The following BCL2L13 variants were observed in gnomAD, a reference collection of about 807,000 sequenced individuals.
BCL2L13 encodes the protein bcl-2-like protein 13.
In BCL2L13, 13 loss-of-function variants were observed where a neutral mutation model predicts 25.8. The ratio of observed to expected loss-of-function variants is 0.50; its 90% CI spans 0.33 to 0.80. BCL2L13 has a LOEUF of 0.80. Ranked by LOEUF, BCL2L13 falls within the 30% of genes least tolerant of loss-of-function variation. The pLI is 0.02. For missense variants in BCL2L13, 504 were observed against 574.9 expected, an observed-to-expected ratio of 0.88 and a Z score of 1.26; for synonymous variants, 244 against 230.3, an observed-to-expected ratio of 1.06 and a Z score of -0.54.
At chr22:17,680,095 T>G (rs570586446) in intron 2 of BCL2L13, among the ~76,000 whole-genome samples, 26 of 151,636 alleles carry the variant, frequency 1.7e-4, no homozygotes, top group Middle Eastern at 3.2e-3. Context: ...GCACTTGTAA[T>G]TCCAGCTACT....
At chr22:17,632,547 G>A (rs1223412544) in intron 1 of BCL2L13, among the ~76,000 whole-genome samples, 1 of 152,086 alleles carries the variant, frequency 6.6e-6, no homozygotes, top group African/African-American at 2.4e-5. Context: ...TCAGGTTGAG[G>A]TGGAATTAAC....
In BCL2L13 at chr22:17,726,867, C is replaced by T; in HGVS notation, c.791C>T (p.Thr264Ile). 6.2e-7 allele frequency: 1 copy of T among 1,613,978 alleles called. No homozygotes were observed. Among genetic ancestry groups the T allele is most frequent in the South Asian group, 1.1e-5 (1 of 91,078 alleles). Residue 264 changes from threonine to isoleucine, a missense_variant, in exon 7 of 7, where the codon ACA becomes ATA. Coordinates refer to ENST00000317582, the MANE Select transcript of BCL2L13 (RefSeq NM_015367.4). ...VSLSASQSWHTESLPVSLGPE... is the reference protein window; with the variant it reads ...VSLSASQSWHIESLPVSLGPE... ...CTGTCAGCTAGCCAGAGTTGGCACA[C>T]AGAAAGCCTGCCAGTGTCACTAGGC...
intron 2 of BCL2L13, among the ~76,000 whole-genome samples, chr22:17,675,586 A>T (rs1568958606): frequency 6.6e-6 from 1 of 152,208 alleles, no homozygotes; most frequent in African/African-American, 2.4e-5. Context: ...TTCTCTTAAA[A>T]GCACGTTCAT....
In BCL2L13 at chr22:17,655,701, C is replaced by T. The variant is rs774830150; in HGVS notation, c.-11C>T. On this transcript the variant is annotated 5_prime_UTR_variant, in exon 2 of 7. Coordinates refer to ENST00000317582, the MANE Select transcript of BCL2L13 (RefSeq NM_015367.4). The stretch of plus-strand genomic sequence containing the variant: ...TAAGTAGACCTTTTTGGAGCCTCAC[C>T]AGCCAATTCAATGGCGTCCTCTTCT... 5.0e-6 allele frequency: 8 copies of T among 1,609,160 alleles called. No homozygotes were observed. Among genetic ancestry groups the T allele is most frequent in the South Asian group, 1.1e-5 (1 of 89,876 alleles).
At chr22:17,701,915 C>CA (rs5844321) in intron 5 of BCL2L13, among the ~76,000 whole-genome samples, 306 of 104,290 alleles carry the variant, frequency 2.9e-3, no homozygotes, top group Middle Eastern at 0.014. Context: ...GACTCCATCT[C>CA]AAAAAAAAAA....
At chr22:17,679,339 TG>T (rs2059668311) in intron 2 of BCL2L13, among the ~76,000 whole-genome samples, 1 of 146,554 alleles carries the variant, frequency 6.8e-6, no homozygotes, top group South Asian at 2.2e-4. Context: ...GTGCGATCTC[TG>T]CTCACCACAG....
chr22:17,677,145 C>A (rs959110395), intron 2 of BCL2L13, among the ~76,000 whole-genome samples: 6 of 151,674 alleles, frequency 4.0e-5, no homozygotes, highest in South Asian at 4.2e-4. Flanking sequence ...TATAGTGAGA[C>A]CCTATTCTCA....
Position 17,729,628 on chromosome 22 carries a change from G to A in BCL2L13, c.*2094G>A, listed in dbSNP as rs1452835827. 6.6e-6 allele frequency: 1 copy of A among 152,234 alleles called. No homozygotes were observed. The highest frequency in any genetic ancestry group is 1.5e-5 in the Non-Finnish European group (1 of 68,052). 9.4% of individuals were successfully genotyped at this position (152,234 alleles called of 1,614,324 possible). A position where few individuals can be genotyped will look rare whatever the true frequency, so the allele number is the denominator to read the frequency against. ...CTGAGCTGCTGAAAGGAGGTGTGAG[G>A]CTTAGGAAATTGGAGCCTGTGTTGC... On this transcript the variant is annotated 3_prime_UTR_variant, in exon 7 of 7. Transcript: ENST00000317582.
At position 17,631,658 on chromosome 22, in the gene BCL2L13, ATG is replaced by A. The variant is rs77231205; in HGVS notation, c.-650+2665_-650+2666del. On this transcript the variant is annotated intron_variant, in intron 1 of 6. Coordinates refer to the BCL2L13 transcript ENST00000399782. ...GTAGGAATGGTACGTGTGTGTATGT[ATG>A]TGTGTGTGTGTATATATATATATAT... 8.5e-3 allele frequency among the ~76,000 whole-genome samples: 329 copies of A among 38,892 alleles called. 17 individuals carry two copies. The highest frequency in any genetic ancestry group is 0.037 in the African/African-American group (278 of 7,432). The allele number at this position is 38,892 out of a possible 152,430, so 25.5% of individuals were successfully genotyped here.
intron 3 of BCL2L13, among the ~76,000 whole-genome samples, chr22:17,684,954 G>A (rs770344527): frequency 1.9e-4 from 29 of 151,724 alleles, no homozygotes; most frequent in African/African-American, 5.6e-4. Context: ...GGATGGTCTC[G>A]TTGATCTCCT....
chr22:17,680,533 A>T (rs1432288952), intron 2 of BCL2L13, among the ~76,000 whole-genome samples: 3 of 77,430 alleles, frequency 3.9e-5, no homozygotes, highest in Non-Finnish European at 6.1e-5. Context: ...AAAAAAAAAA[A>T]AAAAAAAAGA....
At chr22:17,647,746 A>G (rs1051857427) in intron 1 of BCL2L13, among the ~76,000 whole-genome samples, 6 of 152,210 alleles carry the variant, frequency 3.9e-5, no homozygotes, top group African/African-American at 1.4e-4. Context: ...TTTTCATTCA[A>G]GTATAGAGGA....
chr22:17,673,768 G>C (rs1439971488), intron 2 of BCL2L13, among the ~76,000 whole-genome samples: 2 of 151,938 alleles, frequency 1.3e-5, no homozygotes, highest in African/African-American at 2.4e-5. Flanking sequence ...AGCTACACCT[G>C]CTGGAATGGG....
At chr22:17,637,406 CAAA>C (rs561992615), upstream of BCL2L13, among the ~76,000 whole-genome samples, 12 of 98,028 alleles carry the variant, frequency 1.2e-4, no homozygotes, top group Non-Finnish European at 1.0e-4. Context: ...GACTCTGCCT[CAAA>C]AAAAAAAAAA....
At position 17,728,642 on chromosome 22, in the gene BCL2L13, T is replaced by G. The variant is rs1438614558; in HGVS notation, c.*1108T>G. On this transcript the variant is annotated 3_prime_UTR_variant, in exon 7 of 7. Coordinates refer to ENST00000317582, the MANE Select transcript of BCL2L13 (RefSeq NM_015367.4). ...GGGGTAAGGATTTTTATTCTTGGGC[T>G]TATAGAGCCAGTTAGATCATAATTC... 2.6e-5 allele frequency: 4 copies of G among 152,204 alleles called. No individual in the cohort carries two copies. The highest frequency in any genetic ancestry group is 2.1e-4 in the South Asian group (1 of 4,826). The allele number at this position is 152,204 out of a possible 1,614,324, so 9.4% of individuals were successfully genotyped here.
chr22:17,637,708 C>A (rs910735758), upstream of BCL2L13, among the ~76,000 whole-genome samples: 2 of 152,090 alleles, frequency 1.3e-5, no homozygotes, highest in African/African-American at 4.8e-5. Context: ...GTCACTAAGC[C>A]TTTCCTTTGC....
Position 17,648,330 on chromosome 22 carries a change from A to T in BCL2L13, c.-50-7332A>T, listed in dbSNP as rs777130403. On this transcript the variant is annotated intron_variant, in intron 1 of 6. Transcript: ENST00000317582. The stretch of plus-strand genomic sequence containing the variant: ...CTAGTTACATAATAGTGTTCTTGGG[A>T]TCTGACTTTTCCCCATTTAACCATA... 2.0e-5 allele frequency among the ~76,000 whole-genome samples: 3 copies of T among 151,992 alleles called. No individual in the cohort carries two copies. The Admixed American group carries it at 2.0e-4, about 10-fold the overall frequency.
In BCL2L13 at chr22:17,727,863, C is replaced by T; in HGVS notation, c.*329C>T. The T allele has an allele frequency of 3.1e-6, 1 of 317,748 alleles. No individual in the cohort carries two copies. The highest frequency in any genetic ancestry group is 5.9e-6 in the Non-Finnish European group (1 of 169,422). 19.7% of individuals were successfully genotyped at this position (317,748 alleles called of 1,614,324 possible). A position where few individuals can be genotyped will look rare whatever the true frequency, so the allele number is the denominator to read the frequency against. On this transcript the variant is annotated 3_prime_UTR_variant, in exon 7 of 7. Coordinates refer to ENST00000317582, the MANE Select transcript of BCL2L13 (RefSeq NM_015367.4). ...GGGCTGTCCTGTGTGTGGTGGGCTC[C>T]ACCCACTAGATGCCAGTGGCACCCC...
At chr22:17,683,148 A>AAAG in intron 2 of BCL2L13, 66 bp from the exon 3 acceptor site, 2 of 876,370 alleles carry the variant, frequency 2.3e-6, no homozygotes, top group South Asian at 1.5e-5. Context: ...AAAAAAAAAA[A>AAAG]GTGCTATTAT....
Sources: allele counts gnomAD v4.1 joint callset (sites outside exome capture counted in the v4.1 genomes callset), GRCh38; gene constraint gnomAD v4.1.1; transcripts MANE v1.5; gene names NCBI Gene and HGNC (gene_info 2026-07-23, HGNC 2026-07-21).